OLFM3: variants seen among roughly 807,000 people sequenced by gnomAD.
OLFM3 encodes olfactomedin 3, also known as noelin-3.
Under a neutral mutation model 48.6 loss-of-function variants are expected in OLFM3, and 20 were observed. The ratio of observed to expected loss-of-function variants is 0.41; its 90% CI spans 0.29 to 0.60. The LOEUF is 0.60. Ranked by LOEUF, OLFM3 falls within the 20% of genes least tolerant of loss-of-function variation. The probability of loss-of-function intolerance (pLI) is 0.28; values close to 1 mark genes in which losing one functional copy is unlikely to be tolerated. For missense variants in OLFM3, 437 were observed against 544.3 expected, an observed-to-expected ratio of 0.80 and a Z score of 1.96; for synonymous variants, 222 against 198.1, an observed-to-expected ratio of 1.12 and a Z score of -1.01.
intron 1 of OLFM3, among the ~76,000 whole-genome samples, chr1:101,909,608 A>G (rs903747310): frequency 3.9e-5 from 6 of 152,312 alleles, no homozygotes; most frequent in Admixed American, 6.5e-5. Flanking sequence ...TCTCACATTT[A>G]TGGTCATTCT....
At chr1:101,806,769 CA>C (rs1266515658) in intron 4 of OLFM3, among the ~76,000 whole-genome samples, 6 of 151,716 alleles carry the variant, frequency 4.0e-5, no homozygotes, top group Middle Eastern at 3.2e-3. Context: ...ACAGGTCTGA[CA>C]GGGCAGATAT....
chr1:101,857,528 A>G (rs1181117729), intron 1 of OLFM3, among the ~76,000 whole-genome samples: 1 of 151,918 alleles, frequency 6.6e-6, no homozygotes, highest in Non-Finnish European at 1.5e-5. Context: ...GAGTGTTAAT[A>G]TATTTACCAT....
intron 4 of OLFM3, among the ~76,000 whole-genome samples, chr1:101,821,953 C>T (rs982203307): frequency 6.6e-6 from 1 of 151,576 alleles, no homozygotes; most frequent in Admixed American, 6.6e-5. Context: ...ACATTGTGGC[C>T]CACTGGATAA....
intron 1 of OLFM3, among the ~76,000 whole-genome samples, chr1:101,920,290 C>T (rs1019896379): frequency 1.3e-5 from 2 of 152,124 alleles, no homozygotes; most frequent in African/African-American, 4.8e-5. Context: ...GGATAGTGGC[C>T]TATAAACTCC....
At chr1:101,956,850 T>A (rs181560561) in intron 1 of OLFM3, among the ~76,000 whole-genome samples, 9 of 151,856 alleles carry the variant, frequency 5.9e-5, no homozygotes, top group Non-Finnish European at 1.3e-4. Flanking sequence ...TCTATTTGGT[T>A]TTTGACTGTC....
At chr1:101,954,162 A>G (rs943670319) in intron 1 of OLFM3, among the ~76,000 whole-genome samples, 1 of 152,140 alleles carries the variant, frequency 6.6e-6, no homozygotes, top group African/African-American at 2.4e-5. Context: ...TATTTTAATG[A>G]TACTACCATA....
chr1:101,834,303 A>G (rs1313289850), intron 2 of OLFM3, among the ~76,000 whole-genome samples: 1 of 152,236 alleles, frequency 6.6e-6, no homozygotes. Flanking sequence ...TAGAAAGATA[A>G]CTATCCCTTC....
intron 1 of OLFM3, among the ~76,000 whole-genome samples, chr1:101,871,933 T>A (rs1657099040): frequency 6.6e-6 from 1 of 152,066 alleles, no homozygotes; most frequent in Admixed American, 6.6e-5. Context: ...ATGAACGTTG[T>A]CATAGAAAAA....
chr1:101,921,192 T>G (rs1390910909), intron 1 of OLFM3, among the ~76,000 whole-genome samples: 2 of 109,640 alleles, frequency 1.8e-5, no homozygotes, highest in Non-Finnish European at 3.8e-5. Flanking sequence ...ACAATCTATT[T>G]AAGTTTATAC....
At chr1:101,936,844 G>A (rs7531754) in intron 1 of OLFM3, among the ~76,000 whole-genome samples, 63,894 of 151,888 alleles carry the variant, frequency 0.42, 13,825 homozygotes, top group Middle Eastern at 0.51. Flanking sequence ...GTCGACAAAA[G>A]CAAGCAATGG....
At chr1:101,974,910 T>C (rs928914111) in intron 1 of OLFM3, among the ~76,000 whole-genome samples, 1 of 152,200 alleles carries the variant, frequency 6.6e-6, no homozygotes, top group African/African-American at 2.4e-5. Context: ...TTTGTTGTTG[T>C]TCTTCAGGGT....
chr1:101,803,261 G>T lies in OLFM3; in HGVS notation c.*977C>A, dbSNP rs1653578119. On this transcript the variant is annotated 3_prime_UTR_variant, in exon 6 of 6. Coordinates refer to ENST00000370103, the MANE Select transcript of OLFM3 (RefSeq NM_058170.4). ...TATGTAAAATATAAATTAAATGCTA[G>T]TACATTTAACTATGAAGAACAAAAT... is the stretch of plus-strand genomic sequence containing the variant. The T allele has an allele frequency of 6.6e-6, 1 of 151,980 alleles. No individual in the cohort carries two copies. Among genetic ancestry groups the T allele is most frequent in the African/African-American group, 2.4e-5 (1 of 41,322 alleles). The allele number at this position is 151,980 out of a possible 1,614,324, so 9.4% of individuals were successfully genotyped here.
intron 1 of OLFM3, among the ~76,000 whole-genome samples, chr1:101,870,889 C>A (rs1179342497): frequency 6.6e-6 from 1 of 151,874 alleles, no homozygotes; most frequent in Admixed American, 6.6e-5. Context: ...AAATCCAGTA[C>A]TTCCTTTTCC....
chr1:101,825,298 C>A, intron 3 of OLFM3, 53 bp from the exon 4 acceptor site: 4 of 1,331,740 alleles, frequency 3.0e-6, no homozygotes, highest in Non-Finnish European at 4.2e-6. Flanking sequence ...GATCATGCTG[C>A]TCTGTTCTTT....
At position 101,975,888 on chromosome 1, in the gene OLFM3, A is replaced by G. The variant is rs576334521; in HGVS notation, c.69+20860T>C. Among the ~76,000 whole-genome samples, 260 of 152,264 alleles carry G rather than the reference A, an allele frequency of 1.7e-3. 2 individuals carry two copies. Among genetic ancestry groups the G allele is most frequent in the Admixed American group, 6.9e-3 (105 of 15,286 alleles). ...AAGATCAGGGAAACAAAGAATATGCAAAAATCAAAGAAAGAGCACGAAAGA... is the reference window on the plus strand; with the variant it reads ...AAGATCAGGGAAACAAAGAATATGCGAAAATCAAAGAAAGAGCACGAAAGA... On this transcript the variant is annotated intron_variant, in intron 1 of 5. Coordinates refer to ENST00000370103, the MANE Select transcript of OLFM3 (RefSeq NM_058170.4).
intron 1 of OLFM3, among the ~76,000 whole-genome samples, chr1:101,898,445 T>C (rs1658278487): frequency 6.6e-6 from 1 of 152,220 alleles, no homozygotes; most frequent in Non-Finnish European, 1.5e-5. Flanking sequence ...TAAACATAAC[T>C]GTAAATGGTG....
At position 101,804,418 on chromosome 1, in the gene OLFM3, G is replaced by C; in HGVS notation, c.1197C>G (p.Ser399=). The part of the protein sequence containing the change: ...SHLTGAKVYY[S]YSTKTSTYEY... ...CATATGTGGAGGTTTTGGTGGAATA[G>C]GAATAATACACCTTGGCTCCAGTTA... The change falls in exon 6 of 6, where the codon TCC becomes TCG. Residue 399 remains serine (S), a synonymous_variant. Coordinates refer to ENST00000370103, the MANE Select transcript of OLFM3 (RefSeq NM_058170.4). This position sits in a 1 kb window ranked among gnomAD's most constrained non-coding sequence, Gnocchi z 4.5. The C allele has an allele frequency of 1.2e-6, 2 of 1,612,406 alleles. No homozygotes were observed. Among genetic ancestry groups the C allele is most frequent in the Middle Eastern group, 3.3e-4 (2 of 6,042 alleles).
At chr1:101,834,032 G>A (rs1431890288) in intron 2 of OLFM3, among the ~76,000 whole-genome samples, 3 of 152,114 alleles carry the variant, frequency 2.0e-5, no homozygotes, top group Admixed American at 6.5e-5. Flanking sequence ...TTTTTTAGGT[G>A]AGCAATTTTA....
At chr1:101,902,941 A>G (rs1658436010) in intron 1 of OLFM3, among the ~76,000 whole-genome samples, 1 of 152,070 alleles carries the variant, frequency 6.6e-6, no homozygotes, top group Admixed American at 6.6e-5. Flanking sequence ...TTGCTGGGTG[A>G]GTGGATTGAA....
Sources: gnomAD v4.1 joint callset for allele counts (sites outside exome capture counted in the v4.1 genomes callset) on GRCh38, gnomAD v4.1.1 for gene constraint, Gnocchi (gnomAD v3.1) non-coding constraint, MANE v1.5 for transcripts, NCBI Gene and HGNC (gene_info 2026-07-23, HGNC 2026-07-21) for gene names.